TTF2: variants seen among roughly 807,000 people sequenced by gnomAD.
TTF2 encodes RNA polymerase II termination factor.
A neutral mutation model predicts 142.4 loss-of-function variants in TTF2; 108 were observed. The observed-to-expected ratio is 0.76, with a 90% CI of 0.65 to 0.89. The LOEUF (loss-of-function observed/expected upper bound fraction) is 0.89, where lower values mean the gene tolerates loss of function less well. TTF2 is among the 40% of genes least tolerant of loss of function. The pLI is 0.00. For missense variants in TTF2, 1,327 were observed against 1,379.8 expected (o/e 0.96, Z 0.61); for synonymous variants, 483 against 506.2 (o/e 0.95, Z 0.61).
At position 117,092,991 on chromosome 1, in the gene TTF2, C is replaced by G; in HGVS notation, c.2976+90C>G. ...AGCACTTCATTTGTCCAAGTGGGAA[C>G]AGCCATTTGCCAGCAGAGCTAGAGC... On this transcript the variant is annotated intron_variant, in intron 18 of 22. Coordinates refer to ENST00000369466, the MANE Select transcript of TTF2 (RefSeq NM_003594.4). The surrounding 1 kb of genome is among the most constrained non-coding windows in gnomAD (Gnocchi z 4.4). 6.8e-7 allele frequency: 1 copy of G among 1,461,420 alleles called. No homozygotes were observed. Among genetic ancestry groups the G allele is most frequent in the South Asian group, 1.3e-5 (1 of 79,776 alleles). 90.5% of individuals were successfully genotyped at this position (1,461,420 alleles called of 1,614,324 possible). A position where few individuals can be genotyped will look rare whatever the true frequency, so the allele number is the denominator to read the frequency against.
At position 117,073,162 on chromosome 1, in the gene TTF2, A is replaced by G. The variant is rs912916004; in HGVS notation, c.219-499A>G. On this transcript the variant is annotated intron_variant, in intron 3 of 22. Coordinates refer to ENST00000369466, the MANE Select transcript of TTF2 (RefSeq NM_003594.4). This position sits in a 1 kb window ranked among gnomAD's most constrained non-coding sequence, Gnocchi z 4.4. ...TCCCACTGCCAAGATTTTGAAGGTT[A>G]TATTCTCCACAGTATAGTTTTACGC... Among the ~76,000 whole-genome samples the G allele has an allele frequency of 6.6e-6, 1 of 152,140 alleles. No homozygotes were observed. The highest frequency in any genetic ancestry group is 2.4e-5 in the African/African-American group (1 of 41,406).
In TTF2 at chr1:117,093,892, T is replaced by G. The variant is rs1389256955; in HGVS notation, c.2976+991T>G. 6.6e-6 allele frequency among the ~76,000 whole-genome samples: 1 copy of G among 152,220 alleles called. No individual in the cohort carries two copies. The highest frequency in any genetic ancestry group is 1.5e-5 in the Non-Finnish European group (1 of 68,042). On this transcript the variant is annotated intron_variant, in intron 18 of 22. Transcript: ENST00000369466. This position sits in a 1 kb window ranked among gnomAD's most constrained non-coding sequence, Gnocchi z 4.5. ...GGTTGTTTCAAGTAGGGAAGGAGGC[T>G]TCTTACTGGAATTTGACCCCGGCTC...
chr1:117,061,234 T>TA (rs3835636), intron 2 of TTF2, among the ~76,000 whole-genome samples: 13,573 of 151,864 alleles, frequency 0.089, 802 homozygotes, highest in South Asian at 0.16. Flanking sequence ...TACGAAAAAT[T>TA]AAAAAAAATT....
At position 117,098,818 on chromosome 1, in the gene TTF2, G is replaced by A. The variant is rs765978853; in HGVS notation, c.3270-15G>A. The A allele has an allele frequency of 2.5e-6, 4 of 1,609,274 alleles. No individual in the cohort carries two copies. The Admixed American group carries it at 6.7e-5, about 27-fold the overall frequency. On this transcript the variant is annotated splice_polypyrimidine_tract_variant and intron_variant, in intron 21 of 22. Transcript: ENST00000369466. ...AGTATGTCAGTTCCTTTGAGCTTTA[G>A]CTGTCTTCTAACAGGAATCCATCAC... is the stretch of plus-strand genomic sequence containing the variant.
At chr1:117,066,812 C>T (rs978561664) in intron 3 of TTF2, among the ~76,000 whole-genome samples, 2 of 150,750 alleles carry the variant, frequency 1.3e-5, no homozygotes, top group Non-Finnish European at 2.9e-5. Context: ...AGGTGATTCT[C>T]GTGTCTCAGC....
intron 18 of TTF2, 97 bp from the exon 19 acceptor site, chr1:117,095,212 C>G (rs1290904695): frequency 1.7e-6 from 2 of 1,143,108 alleles, no homozygotes; most frequent in Non-Finnish European, 2.6e-6. Context: ...GGCCAGAGCA[C>G]AGACGCCATG....
chr1:117,070,566 G>A lies in TTF2; in HGVS notation c.219-3095G>A, dbSNP rs1453016374. ...AATATTCTTTCAGTAAAGATTTCAA[G>A]TACTTGATATGCTTTAAACAACAGC... On this transcript the variant is annotated intron_variant, in intron 3 of 22. Transcript: ENST00000369466. The surrounding 1 kb of genome is among the most constrained non-coding windows in gnomAD (Gnocchi z 4.2). Among the ~76,000 whole-genome samples the A allele has an allele frequency of 6.6e-6, 1 of 152,188 alleles. No individual in the cohort carries two copies. The highest frequency in any genetic ancestry group is 1.5e-5 in the Non-Finnish European group (1 of 68,034).
chr1:117,089,374 A>G (rs1365064515), intron 13 of TTF2, among the ~76,000 whole-genome samples: 1 of 151,734 alleles, frequency 6.6e-6, no homozygotes, highest in Non-Finnish European at 1.5e-5. Flanking sequence ...GAAGCAAACA[A>G]AAAAGAATGT....
chr1:117,077,964 A>G lies in TTF2; in HGVS notation c.1622A>G (p.Glu541Gly), dbSNP rs991249675. ...HVHAVWKITS[E>G]AIGQLHRSLE... Reference sequence around the variant, plus strand: ...CATGCAGTGTGGAAAATCACAAGTGAAGCCATCGGTCAACTGCATCGCTCA... The same window carrying G: ...CATGCAGTGTGGAAAATCACAAGTGGAGCCATCGGTCAACTGCATCGCTCA... The change falls in exon 8 of 23, where the codon GAA becomes GGA. Residue 541 changes from glutamate to glycine, a missense_variant. Transcript: ENST00000369466. 2 of 1,614,216 alleles carry G rather than the reference A, an allele frequency of 1.2e-6. No homozygotes were observed. Among genetic ancestry groups the G allele is most frequent in the Non-Finnish European group, 1.7e-6 (2 of 1,180,032 alleles).
At chr1:117,065,927 A>G (rs1425089645) in intron 3 of TTF2, among the ~76,000 whole-genome samples, 1 of 151,658 alleles carries the variant, frequency 6.6e-6, no homozygotes, top group African/African-American at 2.4e-5. Flanking sequence ...CAGATTAGAA[A>G]GTGAAAATAG....
At position 117,107,268 on chromosome 1, in the gene TTF2, A is replaced by ACC. The variant is rs1461009679; in HGVS notation, c.*5746_*5747dup. The ACC allele has an allele frequency of 6.6e-6, 1 of 152,126 alleles. No homozygotes were observed. The highest frequency in any genetic ancestry group is 6.5e-5 in the Admixed American group (1 of 15,272). The allele number at this position is 152,126 out of a possible 1,614,324, so 9.4% of individuals were successfully genotyped here. On this transcript the variant is annotated 3_prime_UTR_variant, in exon 23 of 23. Transcript: ENST00000369466. ...TGAGACAGCACCCCCAATCCCCAAC[A>ACC]CCCACACACAAACTTTAAATATTTG...
rs1055159748 is a variant in TTF2, at chr1:117,076,152, G to T, written c.1276-28G>T. ...ATTCATCTAACAGTGTGAGAGGAGA[G>T]ATCCATTTGATGGAATCTGTTTTTC... On this transcript the variant is annotated intron_variant, in intron 5 of 22. Transcript: ENST00000369466. The surrounding 1 kb of genome is among the most constrained non-coding windows in gnomAD (Gnocchi z 4.6). 4 of 1,590,532 alleles carry T rather than the reference G, an allele frequency of 2.5e-6. No homozygotes were observed. The African/African-American group carries it at 5.4e-5, about 21-fold the overall frequency.
At chr1:117,065,693 G>T (rs1168542330) in intron 3 of TTF2, among the ~76,000 whole-genome samples, 1 of 152,112 alleles carries the variant, frequency 6.6e-6, no homozygotes. Context: ...GTGTTTTTTA[G>T]TGCTGTTGTA....
chr1:117,078,138 CT>C (rs2101042518), intron 8 of TTF2, 95 bp downstream of exon 8: 1 of 1,491,960 alleles, frequency 6.7e-7, no homozygotes, highest in Admixed American at 2.1e-5. Flanking sequence ...GATACCTTTC[CT>C]ACAGACAGAT....
rs912385440 is a variant in TTF2 at position 117,090,287 on chromosome 1, T to G, written c.2496+79T>G. Reference sequence around the variant, plus strand: ...GTCCTTGTCTTGGGTTGAACAGCCATCTGCTTTGCTTCAGGAGCCTCTGAG... The same window carrying G: ...GTCCTTGTCTTGGGTTGAACAGCCAGCTGCTTTGCTTCAGGAGCCTCTGAG... On this transcript the variant is annotated intron_variant, in intron 14 of 22. Transcript: ENST00000369466. This position sits in a 1 kb window ranked among gnomAD's most constrained non-coding sequence, Gnocchi z 4.8. The G allele has an allele frequency of 6.5e-7, 1 of 1,543,274 alleles. No individual in the cohort carries two copies. Among genetic ancestry groups the G allele is most frequent in the African/African-American group, 1.4e-5 (1 of 72,654 alleles).
chr1:117,080,133 C>G lies in TTF2; in HGVS notation c.1783+484C>G, dbSNP rs911277426. ...CAAGTGATTCTCCTGCCTCACCCTC[C>G]CCAGTAGCTGGGATTACAGGCAGAT... is the stretch of plus-strand genomic sequence containing the variant. On this transcript the variant is annotated intron_variant, in intron 9 of 22. Transcript: ENST00000369466. This position sits in a 1 kb window ranked among gnomAD's most constrained non-coding sequence, Gnocchi z 4.3. Among the ~76,000 whole-genome samples, 2 of 151,976 alleles carry G rather than the reference C, an allele frequency of 1.3e-5. No individual in the cohort carries two copies. Among genetic ancestry groups the G allele is most frequent in the Non-Finnish European group, 2.9e-5 (2 of 68,016 alleles).
chr1:117,079,488 G>A lies in TTF2; in HGVS notation c.1702-80G>A. 1 of 1,294,034 alleles carries A rather than the reference G, an allele frequency of 7.7e-7. No individual in the cohort carries two copies. Among genetic ancestry groups the A allele is most frequent in the Non-Finnish European group, 1.1e-6 (1 of 891,270 alleles). The allele number at this position is 1,294,034 out of a possible 1,614,324, so 80.2% of individuals were successfully genotyped here. ...GGAATCATTTGTAGAAAATAGGAGAGTGTAGAGTTCGTGTAGCCAGGCTCG... is the reference window on the plus strand; with the variant it reads ...GGAATCATTTGTAGAAAATAGGAGAATGTAGAGTTCGTGTAGCCAGGCTCG... On this transcript the variant is annotated intron_variant, in intron 8 of 22. Coordinates refer to ENST00000369466, the MANE Select transcript of TTF2 (RefSeq NM_003594.4). This position sits in a 1 kb window ranked among gnomAD's most constrained non-coding sequence, Gnocchi z 4.2.
rs903703864 is a variant in TTF2, at chr1:117,080,041, C to T, written c.1783+392C>T. Reference sequence around the variant, plus strand: ...TTTTTTTTTTTGAGATGGAGTTTCGCTCTTGTCACCCAGGCTGGAGTGCTG... The same window carrying T: ...TTTTTTTTTTTGAGATGGAGTTTCGTTCTTGTCACCCAGGCTGGAGTGCTG... On this transcript the variant is annotated intron_variant, in intron 9 of 22. Coordinates refer to ENST00000369466, the MANE Select transcript of TTF2 (RefSeq NM_003594.4). The surrounding 1 kb of genome is among the most constrained non-coding windows in gnomAD (Gnocchi z 4.3). 1.4e-5 allele frequency among the ~76,000 whole-genome samples: 2 copies of T among 147,880 alleles called. No homozygotes were observed. The highest frequency in any genetic ancestry group is 6.8e-5 in the Admixed American group (1 of 14,780).
chr1:117,074,560 A>T (rs563517103), intron 4 of TTF2, among the ~76,000 whole-genome samples: 16 of 152,162 alleles, frequency 1.1e-4, no homozygotes, highest in Admixed American at 5.9e-4. Flanking sequence ...TCTGCAGAAT[A>T]ATCCTAAGTG....
Sources: allele counts gnomAD v4.1 joint callset (sites outside exome capture counted in the v4.1 genomes callset), GRCh38; gene constraint gnomAD v4.1.1; non-coding constraint Gnocchi (gnomAD v3.1); transcripts MANE v1.5; gene names NCBI Gene and HGNC (gene_info 2026-07-23, HGNC 2026-07-21).